The following VPS37A variants were observed in gnomAD, a reference collection of about 807,000 sequenced individuals.
VPS37A encodes vacuolar protein sorting-associated protein 37A.
VPS37A carries 30 observed loss-of-function variants against 49.8 expected under a neutral mutation model. The ratio of observed to expected loss-of-function variants is 0.60; its 90% CI spans 0.45 to 0.82. The LOEUF (loss-of-function observed/expected upper bound fraction) is 0.82. Ranked by LOEUF, VPS37A falls within the 40% of genes least tolerant of loss-of-function variation. The probability of loss-of-function intolerance (pLI) is 0.00; values close to 1 mark genes in which losing one functional copy is unlikely to be tolerated. For missense variants in VPS37A, 593 were observed against 464.4 expected, an observed-to-expected ratio of 1.28 and a Z score of -2.55; for synonymous variants, 195 against 160.6, an observed-to-expected ratio of 1.21 and a Z score of -1.62.
At chr8:17,305,524 A>G (rs1324393922), downstream of VPS37A, among the ~76,000 whole-genome samples, 2 of 152,214 alleles carry the variant, frequency 1.3e-5, no homozygotes, top group Admixed American at 1.3e-4. Flanking sequence ...CAAGTCTGTC[A>G]AGCTGTCTAT....
At chr8:17,300,135 G>C, downstream of VPS37A, 1 of 1,614,092 alleles carries the variant, frequency 6.2e-7, no homozygotes, top group Non-Finnish European at 8.5e-7. Context: ...TGTTGTCTGA[G>C]GTAGAAAACC....
chr8:17,315,224 G>A, the VPS37A span, among the ~76,000 whole-genome samples: 1 of 152,332 alleles, frequency 6.6e-6, no homozygotes, highest in South Asian at 2.1e-4. Flanking sequence ...CTAAGGGAAA[G>A]AAGCCAACTT....
At chr8:17,285,633 C>G (rs748619430) in intron 10 of VPS37A, among the ~76,000 whole-genome samples, 10 of 152,230 alleles carry the variant, frequency 6.6e-5, no homozygotes, top group Middle Eastern at 6.8e-3. Flanking sequence ...TTTTATCATT[C>G]CCATTTTTCA....
At chr8:17,282,606 A>C (rs981538389) in intron 9 of VPS37A, among the ~76,000 whole-genome samples, 1 of 152,224 alleles carries the variant, frequency 6.6e-6, no homozygotes, top group Non-Finnish European at 1.5e-5. Flanking sequence ...CCAGTGGTCT[A>C]TTGGAAAAGG....
chr8:17,251,512 C>G (rs1026110729), intron 1 of VPS37A, among the ~76,000 whole-genome samples: 2 of 152,190 alleles, frequency 1.3e-5, no homozygotes, highest in African/African-American at 2.4e-5. Context: ...ATCTTTGCCT[C>G]TTAGCCTATA....
intron 1 of VPS37A, among the ~76,000 whole-genome samples, chr8:17,260,075 A>C (rs1585947490): frequency 6.6e-6 from 1 of 152,198 alleles, no homozygotes; most frequent in East Asian, 1.9e-4. Context: ...TTAATTATTG[A>C]TAAGTAAGGA....
At chr8:17,273,568 G>A (rs570522176) in intron 4 of VPS37A, among the ~76,000 whole-genome samples, 26 of 152,080 alleles carry the variant, frequency 1.7e-4, no homozygotes, top group Admixed American at 3.3e-4. Flanking sequence ...GGGTTTCACC[G>A]TGTTAGCCAG....
intron 1 of VPS37A, among the ~76,000 whole-genome samples, chr8:17,254,241 G>T (rs1313718393): frequency 2.6e-5 from 4 of 152,098 alleles, no homozygotes; most frequent in Non-Finnish European, 5.9e-5. Context: ...CGAGTCCTTA[G>T]GTAGGGCAAG....
At position 17,280,465 on chromosome 8, in the gene VPS37A, C is replaced by G. The variant is rs772478666; in HGVS notation, c.969+22C>G. The G allele has an allele frequency of 5.1e-6, 8 of 1,574,222 alleles. No homozygotes were observed. In the East Asian group the frequency reaches 1.6e-4, roughly 31 times the overall value. ...TGAGGTAAGACTGTTTATTTTTTTC[C>G]CTTTGCCATAGATTTTTTTTTTAAT... On this transcript the variant is annotated intron_variant, in intron 9 of 11. Transcript: ENST00000324849.
At chr8:17,255,986 C>A (rs1812410166) in intron 1 of VPS37A, among the ~76,000 whole-genome samples, 1 of 152,078 alleles carries the variant, frequency 6.6e-6, no homozygotes, top group East Asian at 1.9e-4. Context: ...GTGAATAGTG[C>A]TGCAATAAAC....
In VPS37A at chr8:17,276,347, C is replaced by T. The variant is rs188566317; in HGVS notation, c.643-50C>T. ...GATTACGTTTATTAGTAATTGAGAG[C>T]AGTCAAAAATAATGGCTGAAATTTA... On this transcript the variant is annotated intron_variant, in intron 5 of 11. Coordinates refer to ENST00000324849, the MANE Select transcript of VPS37A (RefSeq NM_152415.3). 2,203 of 1,415,134 alleles carry T rather than the reference C, an allele frequency of 1.6e-3. 37 individuals are homozygous for T. The Admixed American group carries it at 0.038, about 25-fold the overall frequency. 87.7% of individuals were successfully genotyped at this position (1,415,134 alleles called of 1,614,324 possible). A position where few individuals can be genotyped will look rare whatever the true frequency, so the allele number is the denominator to read the frequency against.
chr8:17,251,735 C>G (rs904881370), intron 1 of VPS37A, among the ~76,000 whole-genome samples: 2 of 152,150 alleles, frequency 1.3e-5, no homozygotes. Context: ...GTATTTTGTT[C>G]TTGTCCCTAT....
chr8:17,285,692 A>G (rs189473115), intron 10 of VPS37A, among the ~76,000 whole-genome samples: 1 of 152,280 alleles, frequency 6.6e-6, no homozygotes, highest in Non-Finnish European at 1.5e-5. Context: ...TTATGGTTAT[A>G]GTGTTAGTAA....
At chr8:17,279,805 T>G in intron 6 of VPS37A, 1 of 609,500 alleles carries the variant, frequency 1.6e-6, no homozygotes, top group Non-Finnish European at 3.0e-6. Context: ...GGACCAAAAT[T>G]TACTTTTACA....
intron 11 of VPS37A, among the ~76,000 whole-genome samples, chr8:17,293,777 G>A (rs1483095683): frequency 2.0e-5 from 3 of 152,198 alleles, no homozygotes; most frequent in Non-Finnish European, 4.4e-5. Flanking sequence ...TATCACCAGC[G>A]GAGGCTGCAG....
At chr8:17,253,404 T>G (rs574426291) in intron 1 of VPS37A, among the ~76,000 whole-genome samples, 2 of 152,342 alleles carry the variant, frequency 1.3e-5, no homozygotes, top group African/African-American at 4.8e-5. Context: ...CTTTCAGTAG[T>G]TTCCTAACTC....
intron 11 of VPS37A, among the ~76,000 whole-genome samples, chr8:17,293,942 T>G (rs753080081): frequency 2.0e-5 from 3 of 152,142 alleles, no homozygotes; most frequent in Non-Finnish European, 4.4e-5. Flanking sequence ...GAGAACCACT[T>G]GAGGAGGCAG....
downstream of VPS37A, among the ~76,000 whole-genome samples, chr8:17,300,797 T>A (rs985013429): frequency 1.3e-5 from 2 of 152,236 alleles, no homozygotes; most frequent in Admixed American, 1.3e-4. Flanking sequence ...AGCCCCTGGC[T>A]ACTACTGATC....
downstream of VPS37A, chr8:17,299,672 A>C (rs1816969304): frequency 1.4e-6 from 1 of 703,966 alleles, no homozygotes; most frequent in African/African-American, 1.8e-5. Context: ...TATTTGATAA[A>C]TGAAATGACT....
Sources: gnomAD v4.1 joint callset for allele counts (sites outside exome capture counted in the v4.1 genomes callset) on GRCh38, gnomAD v4.1.1 for gene constraint, MANE v1.5 for transcripts, NCBI Gene and HGNC (gene_info 2026-07-23, HGNC 2026-07-21) for gene names.